PARP14: variants seen among roughly 807,000 people sequenced by gnomAD.
The protein encoded by PARP14 is protein mono-ADP-ribosyltransferase PARP14.
PARP14 carries 59 observed loss-of-function variants against 154.2 expected under a neutral mutation model. That is an observed-to-expected ratio of 0.38 (90% CI 0.31 to 0.48). The LOEUF (loss-of-function observed/expected upper bound fraction) is 0.48. Ranked by LOEUF, PARP14 falls within the 20% of genes least tolerant of loss-of-function variation. The probability of loss-of-function intolerance (pLI) is 0.98; values close to 1 mark genes in which losing one functional copy is unlikely to be tolerated. For synonymous variants in PARP14, 720 were observed against 780.5 expected (o/e 0.92, Z 1.29); for missense variants, 1,734 against 2,131.6 (o/e 0.81, Z 3.67).
At position 122,701,205 on chromosome 3, in the gene PARP14, G is replaced by A. The variant is rs374486302; in HGVS notation, c.2651G>A (p.Arg884His). ...YHHVIHAVGP[R>H]WSGYEAPRCV... Reference sequence around the variant, plus strand: ...CACGTGATCCATGCAGTGGGGCCCCGCTGGAGCGGATATGAGGCCCCGAGG... The same window carrying A: ...CACGTGATCCATGCAGTGGGGCCCCACTGGAGCGGATATGAGGCCCCGAGG... Residue 884 changes from arginine (R) to histidine (H), a missense_variant, in exon 6 of 17, where the codon CGC becomes CAC. By Grantham distance (29) the Arg-to-His change is conservative (BLOSUM62 0). Around this residue, in one of 2 missense-constraint regions of PARP14, gnomAD observed 1,646 missense variants for 1,976.0 expected, o/e 0.83. Transcript: ENST00000474629. The surrounding 1 kb of genome is among the most constrained non-coding windows in gnomAD (Gnocchi z 4.0). 4.8e-5 allele frequency: 77 copies of A among 1,613,294 alleles called. No individual in the cohort carries two copies. The highest frequency in any genetic ancestry group is 5.6e-5 in the Non-Finnish European group (66 of 1,179,620).
Position 122,718,845 on chromosome 3 carries a change from A to G in PARP14, c.4694A>G (p.Lys1565Arg). 6.2e-7 allele frequency: 1 copy of G among 1,613,994 alleles called. No homozygotes were observed. Among genetic ancestry groups the G allele is most frequent in the Non-Finnish European group, 8.5e-7 (1 of 1,179,884 alleles). Residue 1565 changes from lysine to arginine, a missense_variant, in exon 14 of 17, where the codon AAA (lysine) becomes AGA (arginine). This residue lies in a region of PARP14 where 1,646 missense variants were observed against 1,976.0 expected (regional missense o/e 0.83). Transcript: ENST00000474629. The part of the protein sequence containing the change: ...KLEDARREKK[K>R]TVDVKINHRH... ...GAGGATGCAAGGAGAGAAAAGAAAA[A>G]AACAGTTGATGTCAAAATTAATCAT...
chr3:122,687,185 G>T lies in PARP14; in HGVS notation c.355+72G>T. ...CATTTATTAAAGGCAGCACTTGAGG[G>T]AGTCAGCCCTCTCTTCTTGACTTCC... On this transcript the variant is annotated intron_variant, in intron 3 of 16. Transcript: ENST00000474629. 3.8e-6 allele frequency: 4 copies of T among 1,049,826 alleles called. No individual in the cohort carries two copies. In the South Asian group the frequency reaches 5.4e-5, roughly 14 times the overall value. The allele number at this position is 1,049,826 out of a possible 1,614,324, so 65.0% of individuals were successfully genotyped here. A position where few individuals can be genotyped will look rare whatever the true frequency, so the allele number is the denominator to read the frequency against.
At chr3:122,683,657 G>A (rs1330610262) in intron 1 of PARP14, among the ~76,000 whole-genome samples, 1 of 152,180 alleles carries the variant, frequency 6.6e-6, no homozygotes, top group Non-Finnish European at 1.5e-5. Flanking sequence ...TTGGGTAAGG[G>A]AGGTTGGACA....
At chr3:122,698,058 G>A (rs1317670353) in intron 5 of PARP14, among the ~76,000 whole-genome samples, 2 of 152,206 alleles carry the variant, frequency 1.3e-5, no homozygotes, top group Non-Finnish European at 2.9e-5. Flanking sequence ...TACCAGCAAA[G>A]AGCCTGGTGC....
Position 122,728,761 on chromosome 3 carries a change from G to A in PARP14, c.*164G>A. ...TTTCTTCAGCTTCCCTTTCATAATG[G>A]AAATGAACTTATTATCTTGAGAGCA... is the stretch of plus-strand genomic sequence containing the variant. On this transcript the variant is annotated 3_prime_UTR_variant, in exon 17 of 17. Coordinates refer to ENST00000474629, the MANE Select transcript of PARP14 (RefSeq NM_017554.3). The A allele has an allele frequency of 1.7e-6, 1 of 600,646 alleles. No homozygotes were observed. Among genetic ancestry groups the A allele is most frequent in the South Asian group, 2.2e-5 (1 of 46,456 alleles). The allele number at this position is 600,646 out of a possible 1,614,324, so 37.2% of individuals were successfully genotyped here. A position where few individuals can be genotyped will look rare whatever the true frequency, so the allele number is the denominator to read the frequency against.
intron 15 of PARP14, among the ~76,000 whole-genome samples, chr3:122,724,281 A>T (rs1008471735): frequency 6.8e-6 from 1 of 146,890 alleles, no homozygotes; most frequent in Non-Finnish European, 1.5e-5. Context: ...TAAGAAAATC[A>T]TGAACTTGTA....
rs371714243 is a variant in PARP14 at position 122,686,867 on chromosome 3, GTTAT to G, written c.322-210_322-207del. 1.5e-3 allele frequency: 749 copies of G among 512,632 alleles called. 5 individuals carry two copies. The highest frequency in any genetic ancestry group is 0.013 in the African/African-American group (679 of 51,618). 31.8% of individuals were successfully genotyped at this position (512,632 alleles called of 1,614,324 possible). A position where few individuals can be genotyped will look rare whatever the true frequency, so the allele number is the denominator to read the frequency against. On this transcript the variant is annotated intron_variant, in intron 2 of 16. Transcript: ENST00000474629. ...ATGCTTGGTGTTAATTGAGGTTTCT[GTTAT>G]TTGTGTCTCATCTTCATTGGTGATT...
chr3:122,690,918 C>G (rs1938520310), intron 3 of PARP14, among the ~76,000 whole-genome samples: 1 of 152,164 alleles, frequency 6.6e-6, no homozygotes, highest in Non-Finnish European at 1.5e-5. Context: ...GACCCAGGCT[C>G]CTTCCACCCT....
chr3:122,687,809 G>A (rs1488785264), intron 3 of PARP14, among the ~76,000 whole-genome samples: 1 of 152,202 alleles, frequency 6.6e-6, no homozygotes, highest in Non-Finnish European at 1.5e-5. Context: ...TGAATGAACC[G>A]AGCTAGAGAG....
At position 122,713,478 on chromosome 3, in the gene PARP14, G is replaced by A. The variant is rs769744991; in HGVS notation, c.3674G>A (p.Gly1225Asp). Reference protein sequence around the residue: ...PDSGVYEMKIGSIIFQVASGD... With the variant: ...PDSGVYEMKIDSIIFQVASGD... ...TCAGGTGTGTATGAAATGAAGATTG[G>A]CTCCATCATCTTCCAGGTGGCTTCT... Residue 1225 changes from glycine (G) to aspartate (D), a missense_variant, in exon 10 of 17, where the codon GGC (glycine) becomes GAC (aspartate). Gly to Asp is a moderately conservative substitution (Grantham distance 94). This residue lies in a region of PARP14 where 1,646 missense variants were observed against 1,976.0 expected (regional missense o/e 0.83). Coordinates refer to ENST00000474629, the MANE Select transcript of PARP14 (RefSeq NM_017554.3). 6.2e-7 allele frequency: 1 copy of A among 1,612,428 alleles called. No individual in the cohort carries two copies. The highest frequency in any genetic ancestry group is 8.5e-7 in the Non-Finnish European group (1 of 1,178,490).
At chr3:122,697,861 T>G (rs1483200197) in intron 5 of PARP14, among the ~76,000 whole-genome samples, 1 of 152,226 alleles carries the variant, frequency 6.6e-6, no homozygotes, top group Non-Finnish European at 1.5e-5. Flanking sequence ...TAAGGCATAT[T>G]AAGGTGACAT....
At chr3:122,709,943 C>T (rs1367486760) in intron 9 of PARP14, among the ~76,000 whole-genome samples, 6 of 150,892 alleles carry the variant, frequency 4.0e-5, no homozygotes, top group Admixed American at 1.3e-4. Context: ...GCTTGAGTTC[C>T]TTGTAGATTC....
At chr3:122,687,400 C>T (rs1235676326) in intron 3 of PARP14, among the ~76,000 whole-genome samples, 1 of 152,226 alleles carries the variant, frequency 6.6e-6, no homozygotes, top group Non-Finnish European at 1.5e-5. Flanking sequence ...ATGAGCTGAT[C>T]TTTACTTTCC....
At chr3:122,708,538 T>C (rs1455476182) in intron 9 of PARP14, among the ~76,000 whole-genome samples, 1 of 152,252 alleles carries the variant, frequency 6.6e-6, no homozygotes, top group Non-Finnish European at 1.5e-5. Flanking sequence ...ATGTGACATG[T>C]ATTTTCCAAA....
chr3:122,713,940 G>C lies in PARP14; in HGVS notation c.3832+6G>C. 1 of 1,610,004 alleles carries C rather than the reference G, an allele frequency of 6.2e-7. No individual in the cohort carries two copies. Among genetic ancestry groups the C allele is most frequent in the African/African-American group, 1.3e-5 (1 of 74,948 alleles). ...AAGGGAATGTTCTCAGCAAGGTAAG[G>C]CATATTCTATTTTTTGGTCCTAAGT... is the stretch of plus-strand genomic sequence containing the variant. On this transcript the variant is annotated splice_donor_region_variant and intron_variant, in intron 11 of 16. Coordinates refer to ENST00000474629, the MANE Select transcript of PARP14 (RefSeq NM_017554.3).
intron 12 of PARP14, among the ~76,000 whole-genome samples, chr3:122,715,968 C>T (rs1932986633): frequency 2.0e-5 from 3 of 152,306 alleles, no homozygotes; most frequent in African/African-American, 4.8e-5. Context: ...CTTCCACTGA[C>T]CTGGTTGCAT....
intron 1 of PARP14, chr3:122,683,282 A>T: frequency 1.0e-6 from 1 of 984,812 alleles, no homozygotes; most frequent in Non-Finnish European, 1.2e-6. Context: ...TCCACCCTCC[A>T]TGCCAGGAAG....
At chr3:122,714,226 C>G in intron 11 of PARP14, 36 bp from the exon 12 acceptor site, 2 of 1,547,994 alleles carry the variant, frequency 1.3e-6, no homozygotes, top group Non-Finnish European at 1.7e-6. Context: ...GGTTCAACTT[C>G]TACTAATTTT....
At position 122,695,615 on chromosome 3, in the gene PARP14, A is replaced by G; in HGVS notation, c.788A>G (p.Tyr263Cys). The change falls in exon 5 of 17, where the codon TAT (tyrosine) becomes TGT (cysteine). Residue 263 changes from tyrosine (Y) to cysteine (C), a missense_variant. Physicochemically the swap from Tyr to Cys is radical, Grantham distance 194 (BLOSUM62 -2). Transcript: ENST00000474629. Reference protein sequence around the residue: ...NGGGRVANVEYFPEESSALIE... With the variant: ...NGGGRVANVECFPEESSALIE... ...GGGGGAAGAGTTGCCAATGTTGAAT[A>G]TTTTCCTGAAGAGAGTTCAGCTCTG... 1.2e-6 allele frequency: 2 copies of G among 1,608,876 alleles called. No individual in the cohort carries two copies. Among genetic ancestry groups the G allele is most frequent in the Non-Finnish European group, 1.7e-6 (2 of 1,175,828 alleles).
Sources: allele counts gnomAD v4.1 joint callset (sites outside exome capture counted in the v4.1 genomes callset), GRCh38; gene constraint gnomAD v4.1.1; regional missense constraint gnomAD v4.1.1; non-coding constraint Gnocchi (gnomAD v3.1); transcripts MANE v1.5; gene names NCBI Gene and HGNC (gene_info 2026-07-23, HGNC 2026-07-21).